Variants in FTO observed in about 807,000 individuals in gnomAD.
The protein encoded by FTO is FTO alpha-ketoglutarate dependent dioxygenase.
Under a neutral mutation model 63.9 loss-of-function variants are expected in FTO, and 47 were observed. The observed-to-expected ratio is 0.74, with a 90% confidence interval of 0.58 to 0.94. The LOEUF is 0.94. Among genes scored for constraint, FTO ranks in the 40% least tolerant of loss-of-function variants. The pLI, the probability that FTO is intolerant of heterozygous loss-of-function variation, is 0.00. For missense variants in FTO, 562 were observed against 618.1 expected, an observed-to-expected ratio of 0.91 and a Z score of 0.96; for synonymous variants, 207 against 224.4, an observed-to-expected ratio of 0.92 and a Z score of 0.69.
intron 7 of FTO, among the ~76,000 whole-genome samples, chr16:53,914,446 C>T (rs998615819): frequency 6.6e-6 from 1 of 151,906 alleles, no homozygotes; most frequent in Non-Finnish European, 1.5e-5. Context: ...CAAGATTTTG[C>T]TTTAAAAATA....
At chr16:53,891,346 C>CTTTTTTTTTTTTT (rs5816910) in intron 7 of FTO, among the ~76,000 whole-genome samples, 1 of 147,340 alleles carries the variant, frequency 6.8e-6, no homozygotes, top group Non-Finnish European at 1.5e-5. Flanking sequence ...TGTTCAAGAG[C>CTTTTTTTTTTTTT]TTTTTTTTTT....
chr16:54,011,058 C>G (rs1031426378), intron 8 of FTO, among the ~76,000 whole-genome samples: 5 of 152,202 alleles, frequency 3.3e-5, no homozygotes, highest in Admixed American at 1.3e-4. Flanking sequence ...GGGAACCTCA[C>G]TTTAATCTCA....
intron 2 of FTO, among the ~76,000 whole-genome samples, chr16:53,811,616 A>T (rs2078525976): frequency 6.6e-6 from 1 of 152,054 alleles, no homozygotes; most frequent in South Asian, 2.1e-4. Flanking sequence ...CCAAGATGTA[A>T]ATCTGAGCAT....
chr16:54,096,597 G>C (rs1178536232), intron 8 of FTO, among the ~76,000 whole-genome samples: 1 of 152,222 alleles, frequency 6.6e-6, no homozygotes, highest in Non-Finnish European at 1.5e-5. Context: ...CAGAGGATTA[G>C]AACTTGCCTG....
At chr16:54,093,730 G>T (rs1303484374) in intron 8 of FTO, among the ~76,000 whole-genome samples, 1 of 152,166 alleles carries the variant, frequency 6.6e-6, no homozygotes, top group Non-Finnish European at 1.5e-5. Flanking sequence ...AAGCATCTGG[G>T]ATCCGCAGTG....
intron 8 of FTO, among the ~76,000 whole-genome samples, chr16:54,019,118 A>G (rs1484118692): frequency 6.6e-6 from 1 of 152,152 alleles, no homozygotes; most frequent in Non-Finnish European, 1.5e-5. Flanking sequence ...CCACATCCAG[A>G]TGTAGAAACA....
chr16:54,101,570 G>A (rs1393122374), intron 8 of FTO, among the ~76,000 whole-genome samples: 3 of 152,090 alleles, frequency 2.0e-5, no homozygotes, highest in South Asian at 2.1e-4. Context: ...TTCATTGATA[G>A]GCATTCAGGT....
intron 8 of FTO, among the ~76,000 whole-genome samples, chr16:54,009,410 C>T (rs1379847244): frequency 2.0e-5 from 3 of 152,042 alleles, no homozygotes; most frequent in African/African-American, 7.3e-5. Context: ...TAAAACTATA[C>T]CTGAATTTAA....
At chr16:53,895,753 G>A (rs2081264669) in intron 7 of FTO, among the ~76,000 whole-genome samples, 1 of 152,128 alleles carries the variant, frequency 6.6e-6, no homozygotes, top group South Asian at 2.1e-4. Context: ...TACATCTCAG[G>A]AATGTTAAGA....
At chr16:53,951,102 A>G (rs1111485) in intron 8 of FTO, among the ~76,000 whole-genome samples, 151,595 of 152,334 alleles carry the variant, frequency 1, 75,430 homozygotes, top group Middle Eastern at 1. Context: ...CTTTTCTTAT[A>G]CCAAATGTAT....
chr16:53,815,688 A>G (rs2078662109), intron 2 of FTO, among the ~76,000 whole-genome samples: 1 of 126,876 alleles, frequency 7.9e-6, no homozygotes. Flanking sequence ...CCGCTCTGTC[A>G]CCCAGACTGG....
chr16:53,932,007 T>C (rs2082297849), intron 7 of FTO, among the ~76,000 whole-genome samples: 1 of 152,158 alleles, frequency 6.6e-6, no homozygotes, highest in South Asian at 2.1e-4. Context: ...GAATAGTGCG[T>C]GCCTTTTTTA....
intron 8 of FTO, among the ~76,000 whole-genome samples, chr16:54,085,050 T>TA (rs5816923): frequency 0.51 from 77,174 of 152,020 alleles, 20,142 homozygotes; most frequent in Middle Eastern, 0.59. Flanking sequence ...GTGCCTTACT[T>TA]ACTGCTCCCT....
chr16:53,708,996 T>C (rs2075700318), intron 1 of FTO, among the ~76,000 whole-genome samples: 1 of 152,232 alleles, frequency 6.6e-6, no homozygotes, highest in Non-Finnish European at 1.5e-5. Flanking sequence ...TTAAGAAAGG[T>C]CCACTTTATC....
chr16:54,014,765 T>C (rs2084397137), intron 8 of FTO, among the ~76,000 whole-genome samples: 1 of 151,950 alleles, frequency 6.6e-6, no homozygotes, highest in African/African-American at 2.4e-5. Flanking sequence ...TTAGCTTGCC[T>C]GAAGTGTGTT....
intron 1 of FTO, among the ~76,000 whole-genome samples, chr16:53,710,633 CACA>C (rs2075746954): frequency 6.6e-6 from 1 of 152,086 alleles, no homozygotes; most frequent in Non-Finnish European, 1.5e-5. Flanking sequence ...ATTTATAATC[CACA>C]TATGCCTCCT....
chr16:53,960,728 C>T (rs141780856), intron 8 of FTO, among the ~76,000 whole-genome samples: 1,836 of 151,090 alleles, frequency 0.012, 22 homozygotes, highest in African/African-American at 0.014. Context: ...GGGGGGGGCG[C>T]GGTTACCTGA....
At chr16:53,940,412 T>G (rs1370815346) in intron 8 of FTO, among the ~76,000 whole-genome samples, 1 of 152,226 alleles carries the variant, frequency 6.6e-6, no homozygotes, top group Non-Finnish European at 1.5e-5. Context: ...GTCATTAAAT[T>G]GCAGCAGTGC....
intron 8 of FTO, among the ~76,000 whole-genome samples, chr16:53,945,273 TAAC>T (rs1300640017): frequency 6.6e-6 from 1 of 152,198 alleles, no homozygotes; most frequent in South Asian, 2.1e-4. Flanking sequence ...GTACTAATTT[TAAC>T]AACAATAGCA....
Sources: allele counts gnomAD v4.1 joint callset (sites outside exome capture counted in the v4.1 genomes callset), GRCh38; gene constraint gnomAD v4.1.1; transcripts MANE v1.5; gene names NCBI Gene and HGNC (gene_info 2026-07-23, HGNC 2026-07-21).